Variants in PRKG1 observed in about 807,000 individuals in gnomAD.
PRKG1 encodes the protein cGMP-dependent protein kinase 1.
A neutral mutation model predicts 88.1 loss-of-function variants in PRKG1; 35 were observed. The ratio of observed to expected loss-of-function variants is 0.40; its 90% CI spans 0.30 to 0.53. The LOEUF is 0.53. Among genes scored for constraint, PRKG1 ranks in the 20% least tolerant of loss-of-function variants. PRKG1 has a pLI of 0.59. For missense variants in PRKG1, 540 were observed against 839.8 expected (o/e 0.64, Z 4.41); for synonymous variants, 303 against 292.5 (o/e 1.04, Z -0.37).
chr10:52,263,571 C>T (rs1443534424), intron 10 of PRKG1, among the ~76,000 whole-genome samples: 1 of 150,480 alleles, frequency 6.6e-6, no homozygotes, highest in Admixed American at 6.6e-5. Flanking sequence ...CCATTCCAAT[C>T]TCCAGGATTT....
intron 2 of PRKG1, among the ~76,000 whole-genome samples, chr10:51,170,161 T>G (rs1846664162): frequency 6.6e-6 from 1 of 152,034 alleles, no homozygotes. Flanking sequence ...TTTCTCCAAT[T>G]TGTTAATTCA....
chr10:51,547,654 C>G (rs148427717), intron 3 of PRKG1, among the ~76,000 whole-genome samples: 486 of 152,136 alleles, frequency 3.2e-3, no homozygotes, highest in African/African-American at 0.011. Flanking sequence ...GAGTAATGGT[C>G]TTTTAAAAAA....
intron 3 of PRKG1, among the ~76,000 whole-genome samples, chr10:51,482,070 G>T: frequency 6.6e-6 from 1 of 152,136 alleles, no homozygotes; most frequent in Middle Eastern, 3.2e-3. Flanking sequence ...ATGCACACAT[G>T]ATATATAAAG....
At chr10:51,661,803 A>T (rs140592973) in intron 3 of PRKG1, among the ~76,000 whole-genome samples, 3,913 of 152,312 alleles carry the variant, frequency 0.026, 88 homozygotes, top group Non-Finnish European at 0.044. Flanking sequence ...AGCACTATTC[A>T]CAATAGCAGA....
intron 1 of PRKG1, among the ~76,000 whole-genome samples, chr10:51,145,230 A>T (rs144502411): frequency 7.2e-5 from 11 of 152,320 alleles, no homozygotes; most frequent in African/African-American, 2.6e-4. Context: ...TAGTGTATTC[A>T]TGCTGACCTT....
chr10:51,160,795 A>G lies in PRKG1; in HGVS notation c.478+7465A>G, dbSNP rs187803745. ...GGAACTTAATCCTTATTGAAGTTACATGTATGTATCAGTCTTCCTCTTGGT... is the reference window on the plus strand; with the variant it reads ...GGAACTTAATCCTTATTGAAGTTACGTGTATGTATCAGTCTTCCTCTTGGT... On this transcript the variant is annotated intron_variant, in intron 2 of 17. Transcript: ENST00000373980. 4.9e-3 allele frequency among the ~76,000 whole-genome samples: 750 copies of G among 152,144 alleles called. 3 individuals are homozygous for G. Among genetic ancestry groups the G allele is most frequent in the South Asian group, 6.6e-3 (32 of 4,828 alleles).
chr10:51,654,280 G>A (rs1447681952), intron 3 of PRKG1, among the ~76,000 whole-genome samples: 2 of 152,134 alleles, frequency 1.3e-5, no homozygotes, highest in Non-Finnish European at 2.9e-5. Flanking sequence ...TTATTGAAAA[G>A]ACTGTCCTTT....
At chr10:51,672,489 CTT>C (rs919401741) in intron 3 of PRKG1, among the ~76,000 whole-genome samples, 6 of 151,336 alleles carry the variant, frequency 4.0e-5, no homozygotes, top group Non-Finnish European at 8.9e-5. Context: ...TATAGTTTTT[CTT>C]TATGTTTTGC....
intron 1 of PRKG1, among the ~76,000 whole-genome samples, chr10:51,090,795 A>G (rs1010562442): frequency 2.6e-5 from 4 of 152,192 alleles, no homozygotes; most frequent in Non-Finnish European, 4.4e-5. Flanking sequence ...CCACTGCTTT[A>G]ATGATTTGAT....
intron 4 of PRKG1, among the ~76,000 whole-genome samples, chr10:51,893,657 G>A (rs995808818): frequency 1.3e-5 from 2 of 152,160 alleles, no homozygotes; most frequent in Non-Finnish European, 2.9e-5. Flanking sequence ...CATTACAGAA[G>A]CTAAATGACG....
chr10:51,932,747 T>C (rs1297076387), intron 5 of PRKG1, among the ~76,000 whole-genome samples: 2 of 152,294 alleles, frequency 1.3e-5, no homozygotes, highest in East Asian at 1.9e-4. Flanking sequence ...GAAACCTTTC[T>C]GTAGCTTTAC....
chr10:51,481,445 C>T (rs1840355907), intron 3 of PRKG1, among the ~76,000 whole-genome samples: 3 of 152,042 alleles, frequency 2.0e-5, no homozygotes, highest in African/African-American at 7.2e-5. Context: ...GACAAGGTTT[C>T]GCCATGTTGG....
intron 4 of PRKG1, among the ~76,000 whole-genome samples, chr10:51,876,496 G>A (rs939278358): frequency 2.0e-5 from 3 of 152,154 alleles, no homozygotes; most frequent in Non-Finnish European, 4.4e-5. Flanking sequence ...TTTGGTATTT[G>A]TGGGGTTTAT....
chr10:51,112,863 T>C (rs901599142), intron 1 of PRKG1, among the ~76,000 whole-genome samples: 5 of 152,218 alleles, frequency 3.3e-5, no homozygotes, highest in African/African-American at 1.2e-4. Context: ...CTAGACTAGT[T>C]TGACATAGTA....
chr10:51,851,946 T>A (rs1382632399), intron 4 of PRKG1, among the ~76,000 whole-genome samples: 1 of 152,110 alleles, frequency 6.6e-6, no homozygotes, highest in East Asian at 1.9e-4. Context: ...AAATTAGTGA[T>A]GCTCGCCATG....
intron 2 of PRKG1, among the ~76,000 whole-genome samples, chr10:51,331,430 A>C (rs1246020488): frequency 6.6e-6 from 1 of 152,086 alleles, no homozygotes; most frequent in African/African-American, 2.4e-5. Context: ...CCTGAAATAC[A>C]GGTCTGGGGG....
chr10:51,832,911 T>G (rs904603778), intron 4 of PRKG1, among the ~76,000 whole-genome samples: 1 of 152,172 alleles, frequency 6.6e-6, no homozygotes, highest in Non-Finnish European at 1.5e-5. Context: ...CTGGGTTTAA[T>G]GCTCTAGTTA....
At chr10:52,165,734 G>A (rs762897719) in intron 9 of PRKG1, among the ~76,000 whole-genome samples, 6 of 151,818 alleles carry the variant, frequency 4.0e-5, no homozygotes, top group Admixed American at 2.0e-4. Flanking sequence ...GGTAAGAAGC[G>A]AAAAAAAGTA....
chr10:51,698,461 G>A, intron 3 of PRKG1: 1 of 1,614,094 alleles, frequency 6.2e-7, no homozygotes, highest in Non-Finnish European at 8.5e-7. Flanking sequence ...CATGATGCAT[G>A]GGGGGACCCT....
Sources: gnomAD v4.1 joint callset for allele counts (sites outside exome capture counted in the v4.1 genomes callset) on GRCh38, gnomAD v4.1.1 for gene constraint, MANE v1.5 for transcripts, NCBI Gene and HGNC (gene_info 2026-07-23, HGNC 2026-07-21) for gene names.